Variants in HTT-AS observed in about 807,000 individuals in gnomAD.
HTT-AS encodes HTT antisense RNA, also known as HTT antisense RNA (head to head).
chr4:3,061,618 G>A (rs1331313719), intron 2 of HTT-AS, among the ~76,000 whole-genome samples: 1 of 149,518 alleles, frequency 6.7e-6, no homozygotes, highest in Admixed American at 6.7e-5. Flanking sequence ...GAAGGAAGAG[G>A]TTGCAGTGAG....
chr4:3,050,170 T>C (rs193152053), intron 2 of HTT-AS, among the ~76,000 whole-genome samples: 1 of 152,348 alleles, frequency 6.6e-6, no homozygotes, highest in Non-Finnish European at 1.5e-5. Context: ...CGTGAGTCCA[T>C]ACTTAATTAA....
chr4:3,070,331 C>T (rs530929713), intron 1 of HTT-AS, among the ~76,000 whole-genome samples: 1 of 151,658 alleles, frequency 6.6e-6, no homozygotes, highest in African/African-American at 2.4e-5. Context: ...TGCTCTGTCA[C>T]CCAGGCTGGA....
At chr4:3,054,161 A>C (rs963505315) in intron 2 of HTT-AS, among the ~76,000 whole-genome samples, 2 of 151,904 alleles carry the variant, frequency 1.3e-5, no homozygotes, top group African/African-American at 4.8e-5. Flanking sequence ...GACATGTGGA[A>C]TTAGCCATGC....
downstream of HTT-AS, among the ~76,000 whole-genome samples, chr4:3,047,243 G>A (rs902697148): frequency 2.6e-5 from 4 of 152,064 alleles, no homozygotes; most frequent in Non-Finnish European, 4.4e-5. Context: ...CCCGGGAGGC[G>A]GAGCTTGCAG....
At chr4:3,048,707 C>A (rs1389672126), downstream of HTT-AS, among the ~76,000 whole-genome samples, 6 of 152,196 alleles carry the variant, frequency 3.9e-5, no homozygotes, top group Non-Finnish European at 8.8e-5. Flanking sequence ...TTTAGCATAC[C>A]TTTCACAAGG....
At chr4:3,072,346 G>C (rs1194164819) in intron 1 of HTT-AS, among the ~76,000 whole-genome samples, 1 of 152,240 alleles carries the variant, frequency 6.6e-6, no homozygotes, top group African/African-American at 2.4e-5. Flanking sequence ...GACTTCATCA[G>C]AGCATCCATG....
chr4:3,064,792 A>T (rs1712011690), intron 1 of HTT-AS, among the ~76,000 whole-genome samples: 1 of 152,230 alleles, frequency 6.6e-6, no homozygotes, highest in African/African-American at 2.4e-5. Context: ...AAAACTTCCC[A>T]ATTCTTTTTA....
At chr4:3,053,187 TTC>T (rs1400248398) in intron 2 of HTT-AS, among the ~76,000 whole-genome samples, 1 of 152,232 alleles carries the variant, frequency 6.6e-6, no homozygotes, top group East Asian at 1.9e-4. Context: ...TTGGATCTTC[TTC>T]TGTCTGTCTG....
intron 1 of HTT-AS, among the ~76,000 whole-genome samples, chr4:3,071,619 T>C (rs775834944): frequency 6.6e-6 from 1 of 152,188 alleles, no homozygotes; most frequent in Non-Finnish European, 1.5e-5. Flanking sequence ...CTTATTGTTA[T>C]GGGACGAACT....
chr4:3,047,936 A>G (rs34342095), downstream of HTT-AS, among the ~76,000 whole-genome samples: 14,162 of 152,220 alleles, frequency 0.093, 886 homozygotes, highest in African/African-American at 0.17. Context: ...CGCCTCGGCT[A>G]CCAAACAGGG....
At chr4:3,057,405 C>T (rs975092707) in intron 2 of HTT-AS, among the ~76,000 whole-genome samples, 11 of 152,176 alleles carry the variant, frequency 7.2e-5, no homozygotes, top group African/African-American at 2.2e-4. Flanking sequence ...CAGAATTTCC[C>T]TCCTATTTAA....
intron 2 of HTT-AS, among the ~76,000 whole-genome samples, chr4:3,057,041 C>CTT (rs33928111): frequency 6.8e-4 from 102 of 149,142 alleles, no homozygotes; most frequent in East Asian, 1.8e-3. Flanking sequence ...TTTTCTTTTT[C>CTT]TTTTTTTTTT....
chr4:3,047,040 A>G (rs1043081749), downstream of HTT-AS, among the ~76,000 whole-genome samples: 10 of 152,248 alleles, frequency 6.6e-5, no homozygotes, highest in Non-Finnish European at 1.5e-4. Flanking sequence ...GGCCGGGCGC[A>G]GTGGCTTACG....
At chr4:3,058,197 G>A (rs552526493) in intron 2 of HTT-AS, among the ~76,000 whole-genome samples, 269 of 151,992 alleles carry the variant, frequency 1.8e-3, no homozygotes, top group African/African-American at 4.5e-3. Flanking sequence ...GTGGTGGCGC[G>A]TGCCTGTACT....
intron 2 of HTT-AS, among the ~76,000 whole-genome samples, chr4:3,059,913 C>CTT (rs1711892379): frequency 1.7e-5 from 2 of 120,824 alleles, no homozygotes; most frequent in African/African-American, 3.1e-5. Context: ...ATCTTTGTCC[C>CTT]TGTGTTTTTT....
intron 2 of HTT-AS, among the ~76,000 whole-genome samples, chr4:3,058,522 C>A (rs1431231646): frequency 6.6e-6 from 1 of 152,050 alleles, no homozygotes; most frequent in Non-Finnish European, 1.5e-5. Context: ...AGCTTCTTTA[C>A]TGCAACCTGT....
chr4:3,055,492 C>G (rs181777356), intron 2 of HTT-AS, among the ~76,000 whole-genome samples: 2 of 152,310 alleles, frequency 1.3e-5, no homozygotes, highest in Admixed American at 6.5e-5. Flanking sequence ...GCGATAGTAA[C>G]TAAGCTAAAA....
chr4:3,065,970 TGAC>T (rs1277356811), intron 1 of HTT-AS, among the ~76,000 whole-genome samples: 1 of 152,236 alleles, frequency 6.6e-6, no homozygotes, highest in Admixed American at 6.5e-5. Context: ...TGTACATTGA[TGAC>T]GGACGATAGA....
intron 1 of HTT-AS, among the ~76,000 whole-genome samples, chr4:3,073,667 T>TA (rs1560533867): frequency 1.3e-5 from 2 of 152,010 alleles, no homozygotes; most frequent in African/African-American, 4.8e-5. Flanking sequence ...CTGGGACCGA[T>TA]GGGGGGCGCC....
Sources: allele counts gnomAD v4.1 joint callset (sites outside exome capture counted in the v4.1 genomes callset), GRCh38; gene constraint gnomAD v4.1.1; transcripts MANE v1.5; gene names NCBI Gene and HGNC (gene_info 2026-07-23, HGNC 2026-07-21).